GALNTL6: variants seen among roughly 807,000 people sequenced by gnomAD.
GALNTL6 encodes polypeptide N-acetylgalactosaminyltransferase-like 6.
A neutral mutation model predicts 73.7 loss-of-function variants in GALNTL6; 46 were observed. That is an observed-to-expected ratio of 0.62 (90% CI 0.49 to 0.80). GALNTL6 has a LOEUF of 0.80. Among genes scored for constraint, GALNTL6 ranks in the 30% least tolerant of loss-of-function variants. The pLI, the probability that GALNTL6 is intolerant of heterozygous loss-of-function variation, is 0.00. For missense variants in GALNTL6, 604 were observed against 755.0 expected, an observed-to-expected ratio of 0.80 and a Z score of 2.34; for synonymous variants, 259 against 263.7, an observed-to-expected ratio of 0.98 and a Z score of 0.17.
At chr4:172,072,063 T>C (rs1289423348) in intron 2 of GALNTL6, among the ~76,000 whole-genome samples, 2 of 152,164 alleles carry the variant, frequency 1.3e-5, no homozygotes, top group Admixed American at 1.3e-4. Flanking sequence ...GGGCTCTTTA[T>C]TGTAGATAAG....
At chr4:172,291,447 T>G (rs556722969) in intron 3 of GALNTL6, among the ~76,000 whole-genome samples, 1 of 152,236 alleles carries the variant, frequency 6.6e-6, no homozygotes. Context: ...CTTAAAGATT[T>G]TTAAAGGCTA....
chr4:172,653,616 AAT>A (rs2111158393), intron 5 of GALNTL6, among the ~76,000 whole-genome samples: 1 of 152,266 alleles, frequency 6.6e-6, no homozygotes, highest in African/African-American at 2.4e-5. Flanking sequence ...AGGAAAAAAA[AAT>A]ACCTTGCTAT....
chr4:172,330,682 TG>T (rs1239729900), intron 4 of GALNTL6, among the ~76,000 whole-genome samples: 1 of 152,212 alleles, frequency 6.6e-6, no homozygotes, highest in Non-Finnish European at 1.5e-5. Context: ...TTTGTTTTTT[TG>T]TGTTAAGCTT....
intron 2 of GALNTL6, among the ~76,000 whole-genome samples, chr4:172,030,677 T>C (rs951784070): frequency 6.6e-6 from 1 of 152,036 alleles, no homozygotes; most frequent in Non-Finnish European, 1.5e-5. Context: ...ACCACTGTAC[T>C]CTAGCCTGGG....
intron 9 of GALNTL6, among the ~76,000 whole-genome samples, chr4:172,946,094 T>TA (rs1180639651): frequency 2.6e-5 from 4 of 151,584 alleles, no homozygotes; most frequent in African/African-American, 9.7e-5. Context: ...GGACTGGCTT[T>TA]ACTAGTTATC....
At chr4:172,342,291 T>C (rs1741595578) in intron 4 of GALNTL6, among the ~76,000 whole-genome samples, 1 of 152,080 alleles carries the variant, frequency 6.6e-6, no homozygotes, top group East Asian at 1.9e-4. Context: ...AAAGATGCCT[T>C]AAAGGGCCAA....
At chr4:172,349,246 T>A (rs1741858641) in intron 5 of GALNTL6, among the ~76,000 whole-genome samples, 1 of 152,146 alleles carries the variant, frequency 6.6e-6, no homozygotes, top group African/African-American at 2.4e-5. Flanking sequence ...GCATAAGTTT[T>A]AATACTTTTA....
intron 4 of GALNTL6, among the ~76,000 whole-genome samples, chr4:172,336,724 T>A (rs980523103): frequency 1.3e-5 from 2 of 152,166 alleles, no homozygotes; most frequent in African/African-American, 4.8e-5. Context: ...ATTCTGTGGT[T>A]GATTGGTGGA....
chr4:172,683,507 C>G (rs1732747697), intron 5 of GALNTL6, among the ~76,000 whole-genome samples: 1 of 152,056 alleles, frequency 6.6e-6, no homozygotes, highest in Admixed American at 6.6e-5. Context: ...AACTTTTTAC[C>G]CTAACCCTTG....
At chr4:172,718,693 G>T (rs930018381) in intron 5 of GALNTL6, among the ~76,000 whole-genome samples, 11 of 151,442 alleles carry the variant, frequency 7.3e-5, no homozygotes, top group African/African-American at 2.7e-4. Flanking sequence ...CATGTCAAAA[G>T]AATCCCATAT....
intron 2 of GALNTL6, among the ~76,000 whole-genome samples, chr4:171,864,561 A>G (rs999576572): frequency 6.6e-6 from 1 of 152,218 alleles, no homozygotes; most frequent in Non-Finnish European, 1.5e-5. Flanking sequence ...CATACCACAC[A>G]GAACCCAAAT....
intron 5 of GALNTL6, among the ~76,000 whole-genome samples, chr4:172,582,045 G>C (rs1202752145): frequency 6.6e-6 from 1 of 152,138 alleles, no homozygotes; most frequent in African/African-American, 2.4e-5. Flanking sequence ...CTGATGGTTT[G>C]GTAACATTTT....
intron 2 of GALNTL6, among the ~76,000 whole-genome samples, chr4:172,182,941 C>T (rs925682678): frequency 2.6e-5 from 4 of 152,032 alleles, no homozygotes; most frequent in African/African-American, 7.2e-5. Context: ...AGAACGCATT[C>T]GCTCAAGGCC....
intron 2 of GALNTL6, among the ~76,000 whole-genome samples, chr4:172,189,312 T>C (rs1343530331): frequency 6.6e-6 from 1 of 152,104 alleles, no homozygotes; most frequent in Non-Finnish European, 1.5e-5. Context: ...AAGCACTAAT[T>C]CTACAAAGTA....
chr4:172,104,679 C>G (rs1483392980), intron 2 of GALNTL6, among the ~76,000 whole-genome samples: 1 of 152,028 alleles, frequency 6.6e-6, no homozygotes, highest in African/African-American at 2.4e-5. Context: ...CTGGCTATAT[C>G]CTATAAATAT....
chr4:171,874,994 C>T (rs1342592740), intron 2 of GALNTL6, among the ~76,000 whole-genome samples: 1 of 152,028 alleles, frequency 6.6e-6, no homozygotes, highest in Non-Finnish European at 1.5e-5. Flanking sequence ...AAAAACAAAA[C>T]AAAACAAAAA....
Position 172,831,783 on chromosome 4 carries a change from G to A in GALNTL6, c.923+18060G>A, listed in dbSNP as rs116176634. On this transcript the variant is annotated intron_variant, in intron 7 of 12. Transcript: ENST00000506823. ...GAAGTCATGAAGGTAGAGCTCTCAGGGATAGGATTAGTGCCCTTATTGAGG... is the reference window on the plus strand; with the variant it reads ...GAAGTCATGAAGGTAGAGCTCTCAGAGATAGGATTAGTGCCCTTATTGAGG... Among the ~76,000 whole-genome samples the A allele has an allele frequency of 5.1e-3, 779 of 152,242 alleles. 6 individuals are homozygous for A. The highest frequency in any genetic ancestry group is 0.018 in the African/African-American group (732 of 41,540).
At chr4:172,347,372 T>G (rs959910237) in intron 4 of GALNTL6, among the ~76,000 whole-genome samples, 3 of 152,320 alleles carry the variant, frequency 2.0e-5, no homozygotes, top group African/African-American at 2.4e-5. Flanking sequence ...TAGCTTGTCC[T>G]AATGTTTAAA....
intron 5 of GALNTL6, among the ~76,000 whole-genome samples, chr4:172,780,638 C>T (rs1162095376): frequency 1.3e-5 from 2 of 152,206 alleles, no homozygotes; most frequent in East Asian, 3.8e-4. Flanking sequence ...AAAATGTTCT[C>T]ACTGTGTCAG....
Sources: allele counts gnomAD v4.1 joint callset (sites outside exome capture counted in the v4.1 genomes callset), GRCh38; gene constraint gnomAD v4.1.1; transcripts MANE v1.5; gene names NCBI Gene and HGNC (gene_info 2026-07-23, HGNC 2026-07-21).